PHF24: variants seen among roughly 807,000 people sequenced by gnomAD.
PHF24 encodes the protein Galpha inhibitory interacting protein.
Under a neutral mutation model 42.6 loss-of-function variants are expected in PHF24, and 25 were observed. The ratio of observed to expected loss-of-function variants is 0.59; its 90% CI spans 0.43 to 0.82. The LOEUF is 0.82. Ranked by LOEUF, PHF24 falls within the 40% of genes least tolerant of loss-of-function variation. The pLI, the probability that PHF24 is intolerant of heterozygous loss-of-function variation, is 0.00. For synonymous variants in PHF24, 185 were observed against 204.8 expected, an observed-to-expected ratio of 0.90 and a Z score of 0.83; for missense variants, 470 against 538.1, an observed-to-expected ratio of 0.87 and a Z score of 1.25.
chr9:34,794,361 C>A, the PHF24 span, among the ~76,000 whole-genome samples: 1 of 152,186 alleles, frequency 6.6e-6, no homozygotes, highest in South Asian at 2.1e-4. Flanking sequence ...TTAACGTTAT[C>A]TATAGGATTT....
At chr9:34,872,083 A>G in the PHF24 span, among the ~76,000 whole-genome samples, 4 of 151,814 alleles carry the variant, frequency 2.6e-5, no homozygotes, top group Non-Finnish European at 5.9e-5. Context: ...GTATATATTT[A>G]TTTGTTTTCC....
the PHF24 span, among the ~76,000 whole-genome samples, chr9:34,786,486 C>T: frequency 6.6e-6 from 1 of 152,154 alleles, no homozygotes; most frequent in Non-Finnish European, 1.5e-5. Context: ...CAGAGCATTT[C>T]AGCTGAGATT....
At chr9:34,881,160 A>G in the PHF24 span, among the ~76,000 whole-genome samples, 5 of 152,328 alleles carry the variant, frequency 3.3e-5, no homozygotes, top group Admixed American at 2.0e-4. Context: ...TTTGAAACCA[A>G]TGAGAACAAA....
the PHF24 span, among the ~76,000 whole-genome samples, chr9:34,742,387 A>G: frequency 6.6e-6 from 1 of 152,124 alleles, no homozygotes; most frequent in Non-Finnish European, 1.5e-5. Flanking sequence ...ACCGTGGCCC[A>G]GTCTTGGAGC....
chr9:34,709,316 CCTT>C, the PHF24 span: 1 of 1,557,248 alleles, frequency 6.4e-7, no homozygotes, highest in Non-Finnish European at 8.8e-7. Flanking sequence ...AGCATAGCCT[CCTT>C]CTTGCATCTT....
the PHF24 span, chr9:34,832,766 C>G: frequency 6.4e-7 from 1 of 1,550,654 alleles, no homozygotes; most frequent in South Asian, 1.2e-5. Flanking sequence ...CCTGCAAAGG[C>G]TTAGCCTGAG....
chr9:34,959,928 C>T (rs1244578611), intron 1 of PHF24, among the ~76,000 whole-genome samples: 1 of 152,152 alleles, frequency 6.6e-6, no homozygotes, highest in Non-Finnish European at 1.5e-5. Context: ...CACCGGTGGA[C>T]AATGGTCCAC....
chr9:34,716,565 CTTTGTTTTGTTTTG>C, the PHF24 span, among the ~76,000 whole-genome samples: 1 of 148,212 alleles, frequency 6.7e-6, no homozygotes, highest in African/African-American at 2.5e-5. Flanking sequence ...TTTTGTTTTG[CTTTGTTTTGTTTTG>C]TTTTGTTTTG....
chr9:34,783,368 AG>A, the PHF24 span, among the ~76,000 whole-genome samples: 1 of 152,190 alleles, frequency 6.6e-6, no homozygotes, highest in African/African-American at 2.4e-5. Flanking sequence ...ACTCCTACAC[AG>A]CTTACTATCT....
At chr9:34,803,127 T>G in the PHF24 span, among the ~76,000 whole-genome samples, 1 of 152,106 alleles carries the variant, frequency 6.6e-6, no homozygotes, top group Admixed American at 6.6e-5. Context: ...CAGATACATC[T>G]CCAGGCTACG....
chr9:34,959,855 G>A (rs1431878885), intron 1 of PHF24, among the ~76,000 whole-genome samples: 1 of 152,296 alleles, frequency 6.6e-6, no homozygotes, highest in Admixed American at 6.5e-5. Flanking sequence ...GGAGAGAAAG[G>A]AGAGACAGGA....
the PHF24 span, chr9:34,729,278 C>G: frequency 6.4e-7 from 1 of 1,551,470 alleles, no homozygotes; most frequent in South Asian, 1.2e-5. Context: ...GGGATCACAG[C>G]CCTACCCGGC....
chr9:34,827,863 G>T, the PHF24 span, among the ~76,000 whole-genome samples: 1 of 152,018 alleles, frequency 6.6e-6, no homozygotes, highest in Non-Finnish European at 1.5e-5. Flanking sequence ...TGCCACCCTT[G>T]CCCTATTTCT....
chr9:34,790,804 C>T, the PHF24 span, among the ~76,000 whole-genome samples: 1 of 152,140 alleles, frequency 6.6e-6, no homozygotes, highest in Non-Finnish European at 1.5e-5. Context: ...CAGCAGAGAC[C>T]TAAGTGGAGT....
At chr9:34,815,068 A>T in the PHF24 span, among the ~76,000 whole-genome samples, 1 of 152,168 alleles carries the variant, frequency 6.6e-6, no homozygotes, top group Non-Finnish European at 1.5e-5. Context: ...TTTTTCTAGA[A>T]GCTAAAGCTG....
chr9:34,945,869 T>C, the PHF24 span, among the ~76,000 whole-genome samples: 1 of 152,346 alleles, frequency 6.6e-6, no homozygotes, highest in East Asian at 1.9e-4. Flanking sequence ...CTAAGAAAAC[T>C]GCCATGCTGT....
the PHF24 span, among the ~76,000 whole-genome samples, chr9:34,804,814 T>G: frequency 2.8e-4 from 42 of 152,306 alleles, 1 homozygote; most frequent in Non-Finnish European, 4.0e-4. Context: ...ATCATTACAG[T>G]TTTAGAACAT....
chr9:34,818,266 G>A, the PHF24 span, among the ~76,000 whole-genome samples: 1 of 152,104 alleles, frequency 6.6e-6, no homozygotes, highest in South Asian at 2.1e-4. Context: ...TGATAGTAGG[G>A]GAAAGTGTTC....
the PHF24 span, among the ~76,000 whole-genome samples, chr9:34,747,291 C>T: frequency 6.6e-6 from 1 of 152,080 alleles, no homozygotes; most frequent in South Asian, 2.1e-4. Flanking sequence ...TGGCCTGTGC[C>T]TATAGTTTTA....
Sources: gnomAD v4.1 joint callset for allele counts (sites outside exome capture counted in the v4.1 genomes callset) on GRCh38, gnomAD v4.1.1 for gene constraint, MANE v1.5 for transcripts, NCBI Gene and HGNC (gene_info 2026-07-23, HGNC 2026-07-21) for gene names.